ZBTB20: variants seen among roughly 807,000 people sequenced by gnomAD.
The protein encoded by ZBTB20 is zinc finger and BTB domain-containing protein 20.
Under a neutral mutation model 56.9 loss-of-function variants are expected in ZBTB20, and 9 were observed. The ratio of observed to expected loss-of-function variants is 0.16; its 90% CI spans 0.10 to 0.28. ZBTB20 has a LOEUF of 0.28. ZBTB20 is among the 10% of genes least tolerant of loss of function. The probability of loss-of-function intolerance (pLI) is 1.00; values close to 1 mark genes in which losing one functional copy is unlikely to be tolerated. For synonymous variants in ZBTB20, 417 were observed against 420.7 expected, an observed-to-expected ratio of 0.99 and a Z score of 0.11; for missense variants, 655 against 1,003.0, an observed-to-expected ratio of 0.65 and a Z score of 4.69.
chr3:114,418,029 T>C (rs1034981297), intron 7 of ZBTB20, among the ~76,000 whole-genome samples: 1 of 152,076 alleles, frequency 6.6e-6, no homozygotes, highest in Admixed American at 6.6e-5. Flanking sequence ...CACTAACCCA[T>C]TTCCTATCCT....
In ZBTB20 at chr3:114,733,150, A is replaced by G. The variant is rs189705904; in HGVS notation, c.-342-39575T>C. On this transcript the variant is annotated intron_variant, in intron 5 of 11. Transcript: ENST00000675478. Reference sequence around the variant, plus strand: ...TATATTATAAAAATGATTTTTCCACATAAGTTAGTAGGAAATGTTACCCAT... The same window carrying G: ...TATATTATAAAAATGATTTTTCCACGTAAGTTAGTAGGAAATGTTACCCAT... Among the ~76,000 whole-genome samples, 468 of 152,280 alleles carry G rather than the reference A, an allele frequency of 3.1e-3. 2 individuals carry two copies. Among genetic ancestry groups the G allele is most frequent in the Non-Finnish European group, 5.1e-3 (346 of 68,010 alleles).
chr3:114,768,159 A>G (rs2068916284), intron 5 of ZBTB20, among the ~76,000 whole-genome samples: 1 of 152,008 alleles, frequency 6.6e-6, no homozygotes, highest in East Asian at 1.9e-4. Context: ...ATACAAAACA[A>G]ACCGAGCAAA....
intron 6 of ZBTB20, among the ~76,000 whole-genome samples, chr3:114,621,337 CA>C (rs2058305320): frequency 6.6e-6 from 1 of 151,888 alleles, no homozygotes; most frequent in South Asian, 2.1e-4. Context: ...TCATTATGAC[CA>C]AAACATTTGA....
chr3:115,100,501 A>G (rs1174455669), intron 1 of ZBTB20: 1 of 152,546 alleles, frequency 6.6e-6, no homozygotes, highest in African/African-American at 2.4e-5. Context: ...CCTACCAGAC[A>G]GCAGACAGCT....
intron 1 of ZBTB20, 95 bp from the exon 2 acceptor site, chr3:115,071,509 G>A (rs1489797232): frequency 6.6e-6 from 1 of 152,104 alleles, no homozygotes. Flanking sequence ...GTAAAATTTT[G>A]ATGCCTTTAC....
chr3:114,771,700 C>G (rs541210881), intron 5 of ZBTB20, among the ~76,000 whole-genome samples: 107 of 152,270 alleles, frequency 7.0e-4, no homozygotes, highest in African/African-American at 2.6e-3. Flanking sequence ...CAACCTTGAA[C>G]AGAATTCCAA....
chr3:114,793,472 A>C (rs943203124), intron 5 of ZBTB20, among the ~76,000 whole-genome samples: 17 of 152,160 alleles, frequency 1.1e-4, no homozygotes, highest in African/African-American at 2.4e-4. Flanking sequence ...TGCAGAAATG[A>C]AAGTCTAATG....
intron 5 of ZBTB20, among the ~76,000 whole-genome samples, chr3:114,695,858 C>A (rs1376531927): frequency 1.3e-5 from 2 of 151,684 alleles, no homozygotes; most frequent in Non-Finnish European, 2.9e-5. Context: ...GTAGAGGAAC[C>A]CTTAGAAAAA....
chr3:114,465,208 TGA>T (rs2092492373), intron 7 of ZBTB20, among the ~76,000 whole-genome samples: 1 of 152,130 alleles, frequency 6.6e-6, no homozygotes, highest in Admixed American at 6.6e-5. Flanking sequence ...TACAGTTTGG[TGA>T]GTGTTTGTTC....
intron 11 of ZBTB20, among the ~76,000 whole-genome samples, chr3:114,344,691 T>C (rs1033116867): frequency 6.6e-6 from 1 of 152,242 alleles, no homozygotes; most frequent in South Asian, 2.1e-4. Context: ...AGCCTTATAC[T>C]TGTTACTTTA....
chr3:114,587,870 T>TC (rs1237416890), intron 6 of ZBTB20, among the ~76,000 whole-genome samples: 13 of 152,226 alleles, frequency 8.5e-5, no homozygotes, highest in African/African-American at 3.1e-4. Flanking sequence ...TTGCCATCCT[T>TC]GTTAGGCCTC....
chr3:114,597,758 G>A (rs1272458307), intron 6 of ZBTB20, among the ~76,000 whole-genome samples: 1 of 152,094 alleles, frequency 6.6e-6, no homozygotes, highest in African/African-American at 2.4e-5. Context: ...GGCTCTCTCT[G>A]TTTTGGATAC....
chr3:114,411,170 T>TG (rs1374628684), intron 7 of ZBTB20, among the ~76,000 whole-genome samples: 1 of 152,028 alleles, frequency 6.6e-6, no homozygotes, highest in Non-Finnish European at 1.5e-5. Context: ...ATACACAAAG[T>TG]GGGGGTGCAG....
chr3:114,397,323 C>T lies in ZBTB20; in HGVS notation c.-254-8218G>A, dbSNP rs141484228. ...CCCATTCTCTTTTTCAGTTGATGAG[C>T]TAGCATCCTAGTTTAATAAAAGGAT... On this transcript the variant is annotated intron_variant, in intron 7 of 11. Transcript: ENST00000675478. Among the ~76,000 whole-genome samples, 516 of 120,714 alleles carry T rather than the reference C, an allele frequency of 4.3e-3. 5 individuals carry two copies. The highest frequency in any genetic ancestry group is 0.015 in the African/African-American group (495 of 32,028). The allele number at this position is 120,714 out of a possible 152,430, so 79.2% of individuals were successfully genotyped here. A position where few individuals can be genotyped will look rare whatever the true frequency, so the allele number is the denominator to read the frequency against.
intron 6 of ZBTB20, among the ~76,000 whole-genome samples, chr3:114,665,259 A>G (rs2060982669): frequency 6.6e-6 from 1 of 152,010 alleles, no homozygotes; most frequent in Admixed American, 6.6e-5. Flanking sequence ...CTCTGTTACA[A>G]TTGCCTACAG....
intron 5 of ZBTB20, among the ~76,000 whole-genome samples, chr3:114,784,287 A>G (rs1182928208): frequency 6.6e-6 from 1 of 152,226 alleles, no homozygotes; most frequent in Non-Finnish European, 1.5e-5. Context: ...ACTGGATTTC[A>G]TCTAGCTCAA....
At chr3:114,569,190 T>C (rs56724249) in intron 6 of ZBTB20, among the ~76,000 whole-genome samples, 18,585 of 152,208 alleles carry the variant, frequency 0.12, 1,588 homozygotes, top group African/African-American at 0.24. Flanking sequence ...CTCTTTATTG[T>C]GGTCTTTTAG....
intron 7 of ZBTB20, among the ~76,000 whole-genome samples, chr3:114,448,248 A>C (rs1216761040): frequency 1.3e-5 from 2 of 152,100 alleles, no homozygotes; most frequent in Admixed American, 6.6e-5. Flanking sequence ...GTGCTTCAGC[A>C]AGCCAAAAAA....
chr3:114,723,840 G>T (rs2065081736), intron 5 of ZBTB20, among the ~76,000 whole-genome samples: 1 of 151,904 alleles, frequency 6.6e-6, no homozygotes, highest in Admixed American at 6.6e-5. Context: ...CCTTTGCATA[G>T]AAAAAGATAT....
Sources: gnomAD v4.1 joint callset for allele counts (sites outside exome capture counted in the v4.1 genomes callset) on GRCh38, gnomAD v4.1.1 for gene constraint, MANE v1.5 for transcripts, NCBI Gene and HGNC (gene_info 2026-07-23, HGNC 2026-07-21) for gene names.